ARHGAP26: variants seen among roughly 807,000 people sequenced by gnomAD.
ARHGAP26 encodes the protein Rho GTPase activating protein 26, also known as rho GTPase-activating protein 26.
In ARHGAP26, 38 loss-of-function variants were observed where a neutral mutation model predicts 104.8. The ratio of observed to expected loss-of-function variants is 0.36; its 90% CI spans 0.28 to 0.48. ARHGAP26 has a LOEUF of 0.48. Among genes scored for constraint, ARHGAP26 ranks in the 20% least tolerant of loss-of-function variants. ARHGAP26 has a pLI of 0.99. For missense variants in ARHGAP26, 704 were observed against 947.9 expected, an observed-to-expected ratio of 0.74 and a Z score of 3.38; for synonymous variants, 341 against 340.0, an observed-to-expected ratio of 1.00 and a Z score of -0.03.
Position 142,770,651 on chromosome 5 carries a change from G to C in ARHGAP26, c.-111G>C, listed in dbSNP as rs1755002694. The C allele has an allele frequency of 1.2e-6, 1 of 809,278 alleles. No homozygotes were observed. Among genetic ancestry groups the C allele is most frequent in the South Asian group, 5.6e-5 (1 of 17,742 alleles). The allele number at this position is 809,278 out of a possible 1,614,324, so 50.1% of individuals were successfully genotyped here. A position where few individuals can be genotyped will look rare whatever the true frequency, so the allele number is the denominator to read the frequency against. ...AGTGAGCCAGCGCCACACCTGTGGA[G>C]CCGGCGGCCGTCGGGGGAGCCGGCC... On this transcript the variant is annotated 5_prime_UTR_variant, in exon 1 of 23. Coordinates refer to ENST00000645722, the MANE Select transcript of ARHGAP26 (RefSeq NM_001135608.3).
In ARHGAP26 at chr5:142,770,754, C is replaced by T; in HGVS notation, c.-8C>T. On this transcript the variant is annotated 5_prime_UTR_variant, in exon 1 of 23. Coordinates refer to ENST00000645722, the MANE Select transcript of ARHGAP26 (RefSeq NM_001135608.3). ...AGGCGCGCCCCCCGGCTGGGCGCCG[C>T]GCGCACCATGGGGCTCCCAGCGCTC... 2.1e-6 allele frequency: 3 copies of T among 1,403,486 alleles called. No individual in the cohort carries two copies. The highest frequency in any genetic ancestry group is 2.8e-6 in the Non-Finnish European group (3 of 1,066,406). 86.9% of individuals were successfully genotyped at this position (1,403,486 alleles called of 1,614,324 possible). A position where few individuals can be genotyped will look rare whatever the true frequency, so the allele number is the denominator to read the frequency against.
chr5:143,145,259 G>C (rs1201199252), intron 19 of ARHGAP26, among the ~76,000 whole-genome samples: 1 of 152,214 alleles, frequency 6.6e-6, no homozygotes, highest in Non-Finnish European at 1.5e-5. Context: ...GTGAGCAATA[G>C]TTATGCTCTT....
intron 11 of ARHGAP26, among the ~76,000 whole-genome samples, chr5:142,939,420 A>T (rs913277164): frequency 1.3e-5 from 2 of 152,190 alleles, no homozygotes; most frequent in African/African-American, 2.4e-5. Flanking sequence ...TCCATTTTAA[A>T]GATATCTTCT....
chr5:143,025,336 C>G (rs56383536), intron 12 of ARHGAP26, among the ~76,000 whole-genome samples: 9,463 of 152,232 alleles, frequency 0.062, 1,008 homozygotes, highest in African/African-American at 0.22. Flanking sequence ...CCTTCGCTGC[C>G]TCAGAGTTTG....
chr5:142,957,168 T>A (rs1477703174), intron 11 of ARHGAP26, among the ~76,000 whole-genome samples: 1 of 152,178 alleles, frequency 6.6e-6, no homozygotes, highest in Non-Finnish European at 1.5e-5. Context: ...AGAATGAGGA[T>A]GGATTTGGGG....
rs908024625 is a variant in ARHGAP26 at position 143,060,081 on chromosome 5, C to G, written c.1538+2334C>G. The stretch of plus-strand genomic sequence containing the variant: ...TACAGCACTGTCCTTATTTTAAAAT[C>G]AAGCAGTAAGGGAAAGTTAACTTGG... On this transcript the variant is annotated intron_variant, in intron 17 of 22. Transcript: ENST00000645722. 1.8e-4 allele frequency among the ~76,000 whole-genome samples: 28 copies of G among 152,146 alleles called. 1 individual carries two copies. Among genetic ancestry groups the G allele is most frequent in the Non-Finnish European group, 2.6e-4 (18 of 68,036 alleles).
chr5:142,958,831 G>C (rs561488128), intron 11 of ARHGAP26, among the ~76,000 whole-genome samples: 1 of 151,530 alleles, frequency 6.6e-6, no homozygotes, highest in African/African-American at 2.4e-5. Context: ...AGCTTTGGGA[G>C]GCCAGGGCCA....
intron 17 of ARHGAP26, among the ~76,000 whole-genome samples, chr5:143,067,246 T>A (rs554579455): frequency 6.6e-6 from 1 of 152,186 alleles, no homozygotes; most frequent in Non-Finnish European, 1.5e-5. Context: ...CTGACTTTCC[T>A]TCTGTTTTAC....
chr5:142,916,368 G>A (rs892533831), intron 10 of ARHGAP26, among the ~76,000 whole-genome samples: 9 of 152,212 alleles, frequency 5.9e-5, no homozygotes, highest in Middle Eastern at 3.4e-3. Flanking sequence ...GTTGATTACC[G>A]TACATCAACG....
chr5:142,860,433 G>A (rs1380637663), intron 1 of ARHGAP26: 3 of 152,182 alleles, frequency 2.0e-5, no homozygotes, highest in Non-Finnish European at 4.4e-5. Context: ...GGCAGCTCCA[G>A]CCTAGGACTG....
chr5:142,779,629 C>G (rs757911438), intron 1 of ARHGAP26, among the ~76,000 whole-genome samples: 1 of 152,210 alleles, frequency 6.6e-6, no homozygotes, highest in Non-Finnish European at 1.5e-5. Flanking sequence ...AGTTTCAAAA[C>G]TCATCTGATC....
chr5:142,998,121 T>C (rs1776671213), intron 11 of ARHGAP26, among the ~76,000 whole-genome samples: 1 of 152,238 alleles, frequency 6.6e-6, no homozygotes, highest in Non-Finnish European at 1.5e-5. Context: ...TGTTATAAAA[T>C]GTAACTCCTG....
intron 21 of ARHGAP26, among the ~76,000 whole-genome samples, chr5:143,213,603 G>C (rs1022176331): frequency 1.3e-5 from 2 of 152,128 alleles, no homozygotes; most frequent in South Asian, 4.1e-4. Flanking sequence ...AGGTTCTGTT[G>C]GGAGTGTGTT....
intron 1 of ARHGAP26, among the ~76,000 whole-genome samples, chr5:142,799,652 G>A (rs1761672275): frequency 6.6e-6 from 1 of 152,174 alleles, no homozygotes; most frequent in Non-Finnish European, 1.5e-5. Context: ...CCAAGATTGA[G>A]GGCCCAGCAT....
chr5:143,212,705 A>G (rs1809677881), intron 21 of ARHGAP26, among the ~76,000 whole-genome samples: 1 of 152,058 alleles, frequency 6.6e-6, no homozygotes, highest in African/African-American at 2.4e-5. Context: ...TACTCTGATC[A>G]CTCTGCACGA....
At chr5:143,188,083 TTTA>T (rs1198069216) in intron 20 of ARHGAP26, among the ~76,000 whole-genome samples, 5 of 152,188 alleles carry the variant, frequency 3.3e-5, no homozygotes, top group Non-Finnish European at 7.4e-5. Context: ...GCACTAAAAG[TTTA>T]TTAATTCAGT....
chr5:142,855,158 A>T (rs1283137801), intron 1 of ARHGAP26, among the ~76,000 whole-genome samples: 1 of 152,164 alleles, frequency 6.6e-6, no homozygotes. Flanking sequence ...CCGTTTTAGA[A>T]CATAAATGCT....
intron 16 of ARHGAP26, 62 bp downstream of exon 16, chr5:143,056,148 G>GT (rs1211193802): frequency 7.2e-7 from 1 of 1,395,964 alleles, no homozygotes; most frequent in African/African-American, 1.4e-5. Flanking sequence ...TCAAAGAAGA[G>GT]TCAGTATCCC....
intron 11 of ARHGAP26, among the ~76,000 whole-genome samples, chr5:143,013,684 A>G (rs1390487947): frequency 6.6e-6 from 1 of 152,212 alleles, no homozygotes; most frequent in Non-Finnish European, 1.5e-5. Flanking sequence ...CTCCTGCCCA[A>G]CAGAATTGTC....
Sources: allele counts gnomAD v4.1 joint callset (sites outside exome capture counted in the v4.1 genomes callset), GRCh38; gene constraint gnomAD v4.1.1; transcripts MANE v1.5; gene names NCBI Gene and HGNC (gene_info 2026-07-23, HGNC 2026-07-21).